MSI2: variants seen among roughly 807,000 people sequenced by gnomAD.
The protein encoded by MSI2 is RNA-binding protein Musashi homolog 2.
Under a neutral mutation model 45.6 loss-of-function variants are expected in MSI2, and 17 were observed. The observed-to-expected ratio is 0.37, with a 90% confidence interval of 0.26 to 0.56. The LOEUF is 0.56. MSI2 is among the 20% of genes least tolerant of loss of function. The probability of loss-of-function intolerance (pLI) is 0.77; values close to 1 mark genes in which losing one functional copy is unlikely to be tolerated. For synonymous variants in MSI2, 156 were observed against 158.2 expected, an observed-to-expected ratio of 0.99 and a Z score of 0.11; for missense variants, 293 against 444.2, an observed-to-expected ratio of 0.66 and a Z score of 3.06.
At chr17:57,344,750 TAC>T (rs1250146536) in intron 5 of MSI2, among the ~76,000 whole-genome samples, 1 of 152,168 alleles carries the variant, frequency 6.6e-6, no homozygotes, top group Admixed American at 6.5e-5. Flanking sequence ...AATCCACACT[TAC>T]TAGTTTGCTC....
intron 6 of MSI2, among the ~76,000 whole-genome samples, chr17:57,418,512 T>C (rs2084336856): frequency 6.6e-6 from 1 of 152,204 alleles, no homozygotes; most frequent in Non-Finnish European, 1.5e-5. Flanking sequence ...TAAGGTTTGT[T>C]ATAGTGAATA....
intron 5 of MSI2, among the ~76,000 whole-genome samples, chr17:57,353,358 G>A (rs1916177760): frequency 6.6e-6 from 1 of 152,176 alleles, no homozygotes; most frequent in South Asian, 2.1e-4. Flanking sequence ...ATTGGATGGA[G>A]GCTTGATTGA....
chr17:57,469,623 C>G (rs980824990), intron 6 of MSI2, among the ~76,000 whole-genome samples: 2 of 152,204 alleles, frequency 1.3e-5, no homozygotes, highest in Non-Finnish European at 2.9e-5. Context: ...CAGGCCCTGG[C>G]TTGTGAACCT....
chr17:57,259,218 A>G (rs1907093420), intron 4 of MSI2, among the ~76,000 whole-genome samples: 1 of 152,048 alleles, frequency 6.6e-6, no homozygotes, highest in Non-Finnish European at 1.5e-5. Flanking sequence ...ATTAATATAT[A>G]TCTGCCCCAA....
At chr17:57,628,011 G>A (rs1012850070) in intron 10 of MSI2, 2 of 152,824 alleles carry the variant, frequency 1.3e-5, no homozygotes, top group African/African-American at 4.8e-5. Context: ...GTAGGGATGG[G>A]GTAGGGACAA....
chr17:57,631,980 T>C, intron 10 of MSI2: 7 of 1,438,130 alleles, frequency 4.9e-6, no homozygotes, highest in Non-Finnish European at 6.4e-6. Context: ...TTTCTCATTT[T>C]TAATTCTTGG....
chr17:57,508,988 A>G (rs1367673739), intron 6 of MSI2, among the ~76,000 whole-genome samples: 1 of 150,380 alleles, frequency 6.6e-6, no homozygotes, highest in Non-Finnish European at 1.5e-5. Context: ...AAGTGAGAGG[A>G]CCCCTGAGTC....
intron 6 of MSI2, among the ~76,000 whole-genome samples, chr17:57,493,022 C>G (rs867195280): frequency 1.3e-5 from 2 of 152,138 alleles, no homozygotes; most frequent in South Asian, 2.1e-4. Context: ...GGAAATGAAG[C>G]CCACTGTAAA....
At chr17:57,365,991 C>G (rs1353045709) in intron 5 of MSI2, among the ~76,000 whole-genome samples, 1 of 152,124 alleles carries the variant, frequency 6.6e-6, no homozygotes, top group Non-Finnish European at 1.5e-5. Flanking sequence ...CGACTCACTG[C>G]AACTTCTGCC....
intron 6 of MSI2, among the ~76,000 whole-genome samples, chr17:57,495,341 T>A (rs2085954786): frequency 6.6e-6 from 1 of 152,040 alleles, no homozygotes; most frequent in Non-Finnish European, 1.5e-5. Context: ...CAGACCAGCC[T>A]GACCAACATA....
chr17:57,552,285 T>C lies in MSI2; in HGVS notation c.454+22561T>C, dbSNP rs1371826483. Among the ~76,000 whole-genome samples, 1 of 152,164 alleles carries C rather than the reference T, an allele frequency of 6.6e-6. No homozygotes were observed. The highest frequency in any genetic ancestry group is 6.5e-5 in the Admixed American group (1 of 15,290). On this transcript the variant is annotated intron_variant, in intron 7 of 13. Transcript: ENST00000284073. This position sits in a 1 kb window ranked among gnomAD's most constrained non-coding sequence, Gnocchi z 4.3. ...TGAAGTTCAGAGTGATGTTCACTGG[T>C]CTGTAATTCCTGACTCCCTTCCTGA...
chr17:57,646,586 G>C (rs183595040), intron 10 of MSI2, among the ~76,000 whole-genome samples: 9 of 152,324 alleles, frequency 5.9e-5, no homozygotes, highest in African/African-American at 1.9e-4. Context: ...CACAGGGCCC[G>C]AAGAAGTGAA....
chr17:57,575,469 C>A (rs1461572060), intron 7 of MSI2, among the ~76,000 whole-genome samples: 1 of 152,180 alleles, frequency 6.6e-6, no homozygotes, highest in African/African-American at 2.4e-5. Context: ...GAAATGTGAA[C>A]TTTCACCAAA....
At chr17:57,496,477 C>T (rs1309259587) in intron 6 of MSI2, among the ~76,000 whole-genome samples, 3 of 152,204 alleles carry the variant, frequency 2.0e-5, no homozygotes, top group Non-Finnish European at 2.9e-5. Flanking sequence ...CCGGTGAGGC[C>T]GCCACCACCT....
chr17:57,288,180 T>A (rs1314678494), intron 5 of MSI2, among the ~76,000 whole-genome samples: 2 of 152,172 alleles, frequency 1.3e-5, no homozygotes, highest in Non-Finnish European at 2.9e-5. Context: ...ATGGGGATAA[T>A]AAGACTTGTG....
chr17:57,275,967 C>T (rs1908808299), intron 5 of MSI2, among the ~76,000 whole-genome samples: 1 of 152,156 alleles, frequency 6.6e-6, no homozygotes, highest in Admixed American at 6.5e-5. Flanking sequence ...CCTCCCCTCC[C>T]TCAAATTCAT....
intron 6 of MSI2, among the ~76,000 whole-genome samples, chr17:57,487,829 C>T (rs776193677): frequency 2.0e-5 from 3 of 151,626 alleles, no homozygotes; most frequent in African/African-American, 7.3e-5. Flanking sequence ...GACATCTGCA[C>T]GCATGCCAGC....
chr17:57,691,951 G>C, the MSI2 span, among the ~76,000 whole-genome samples: 2 of 152,134 alleles, frequency 1.3e-5, no homozygotes, highest in African/African-American at 4.8e-5. Flanking sequence ...CATTAAGTAT[G>C]ATGTTAGCTG....
At chr17:57,357,172 G>A (rs1916487180) in intron 5 of MSI2, among the ~76,000 whole-genome samples, 1 of 152,034 alleles carries the variant, frequency 6.6e-6, no homozygotes, top group Admixed American at 6.6e-5. Context: ...CTTGTTCACT[G>A]CCACAAAGAC....
Sources: gnomAD v4.1 joint callset for allele counts (sites outside exome capture counted in the v4.1 genomes callset) on GRCh38, gnomAD v4.1.1 for gene constraint, Gnocchi (gnomAD v3.1) non-coding constraint, MANE v1.5 for transcripts, NCBI Gene and HGNC (gene_info 2026-07-23, HGNC 2026-07-21) for gene names.